Variants in ERG observed in about 807,000 individuals in gnomAD.
ERG encodes the protein transcriptional regulator ERG.
ERG carries 9 observed loss-of-function variants against 55.3 expected under a neutral mutation model. That is an observed-to-expected ratio of 0.16 (90% CI 0.10 to 0.28). The LOEUF is 0.28. Ranked by LOEUF, ERG falls within the 10% of genes least tolerant of loss-of-function variation. The pLI, the probability that ERG is intolerant of heterozygous loss-of-function variation, is 1.00. For missense variants in ERG, 434 were observed against 631.6 expected (o/e 0.69, Z 3.35); for synonymous variants, 223 against 237.3 (o/e 0.94, Z 0.55).
intron 1 of ERG, chr21:38,451,161 A>T (rs1365674616): frequency 2.0e-6 from 1 of 499,288 alleles, no homozygotes; most frequent in African/African-American, 1.9e-5. Flanking sequence ...AAGAGACAGA[A>T]GAAAGATGAA....
At chr21:38,582,487 G>A (rs1232866091) in intron 1 of ERG, among the ~76,000 whole-genome samples, 2 of 152,174 alleles carry the variant, frequency 1.3e-5, no homozygotes, top group African/African-American at 4.8e-5. Flanking sequence ...ACCTCCAAAC[G>A]ATGTTCAGCA....
At chr21:38,412,676 CCTT>C (rs968942549) in intron 3 of ERG, among the ~76,000 whole-genome samples, 33 of 152,208 alleles carry the variant, frequency 2.2e-4, no homozygotes, top group African/African-American at 7.2e-4. Context: ...CTTTTTAACT[CCTT>C]CTTTTATGTT....
intron 2 of ERG, among the ~76,000 whole-genome samples, chr21:38,440,393 C>T (rs531708474): frequency 2.0e-5 from 3 of 152,328 alleles, no homozygotes; most frequent in East Asian, 1.9e-4. Flanking sequence ...TCTGCGTCTC[C>T]GTGAACCCTG....
At chr21:38,534,824 G>T (rs529337097) in intron 2 of ERG, among the ~76,000 whole-genome samples, 1 of 152,128 alleles carries the variant, frequency 6.6e-6, no homozygotes, top group African/African-American at 2.4e-5. Context: ...CAACCCAATC[G>T]TCCATCCACA....
chr21:38,453,125 C>T (rs1471584916), intron 1 of ERG, among the ~76,000 whole-genome samples: 1 of 152,216 alleles, frequency 6.6e-6, no homozygotes, highest in Non-Finnish European at 1.5e-5. Context: ...AAATAATTGC[C>T]ATTGGCAATA....
intron 1 of ERG, among the ~76,000 whole-genome samples, chr21:38,459,026 A>G (rs1016319192): frequency 1.3e-5 from 2 of 152,070 alleles, no homozygotes; most frequent in Non-Finnish European, 2.9e-5. Flanking sequence ...TTTGGTTGAC[A>G]ATTCCATCCC....
intron 6 of ERG, chr21:38,399,945 G>T: frequency 4.8e-6 from 1 of 209,334 alleles, no homozygotes; most frequent in Middle Eastern, 1.7e-3. Flanking sequence ...CTCAGCAAAT[G>T]AACAAACCAA....
intron 1 of ERG, among the ~76,000 whole-genome samples, chr21:38,655,428 G>C (rs57446125): frequency 0.014 from 2,179 of 152,212 alleles, 59 homozygotes; most frequent in East Asian, 0.12. Flanking sequence ...CTCATTTTAA[G>C]AACACAATGC....
intron 1 of ERG, among the ~76,000 whole-genome samples, chr21:38,461,505 T>C (rs2059042323): frequency 6.6e-6 from 1 of 152,212 alleles, no homozygotes; most frequent in African/African-American, 2.4e-5. Context: ...TCTTCACTGC[T>C]GTATCTCCCT....
In ERG at chr21:38,381,957, A is replaced by G. The variant is rs73437665; in HGVS notation, c.*1446T>C. The G allele has an allele frequency of 1.7e-3, 1,836 of 1,062,418 alleles. 31 individuals are homozygous for G. In the African/African-American group the frequency reaches 0.028, roughly 16 times the overall value. The allele number at this position is 1,062,418 out of a possible 1,614,324, so 65.8% of individuals were successfully genotyped here. A position where few individuals can be genotyped will look rare whatever the true frequency, so the allele number is the denominator to read the frequency against. ...AGTAAATTATAACACAAAATCCACA[A>G]CATTCAGCACATGTTTTCATTAAGC... On this transcript the variant is annotated 3_prime_UTR_variant, in exon 10 of 10. Coordinates refer to ENST00000288319, the MANE Select transcript of ERG (RefSeq NM_182918.4).
intron 2 of ERG, among the ~76,000 whole-genome samples, chr21:38,558,061 G>GT (rs1568911389): frequency 1.5e-5 from 2 of 135,514 alleles, no homozygotes; most frequent in African/African-American, 5.5e-5. Flanking sequence ...CTAAGTTTTG[G>GT]GGGGGGGTCC....
At chr21:38,391,527 A>G in intron 8 of ERG, 132 bp downstream of exon 8, 1 of 714,964 alleles carries the variant, frequency 1.4e-6, no homozygotes, top group South Asian at 2.0e-5. Flanking sequence ...CTTGGGCCCT[A>G]TCTTATGTAT....
At chr21:38,468,631 T>C (rs1342104609) in intron 1 of ERG, among the ~76,000 whole-genome samples, 2 of 152,106 alleles carry the variant, frequency 1.3e-5, no homozygotes, top group Non-Finnish European at 2.9e-5. Flanking sequence ...CTTCACCATA[T>C]ACCTCATCAA....
chr21:38,565,305 G>C (rs186937447), intron 2 of ERG, among the ~76,000 whole-genome samples: 1 of 152,078 alleles, frequency 6.6e-6, no homozygotes, highest in East Asian at 1.9e-4. Context: ...CAGCCAACAT[G>C]GTTCTTTTAG....
intron 3 of ERG, among the ~76,000 whole-genome samples, chr21:38,409,078 A>G (rs1988915711): frequency 6.6e-6 from 1 of 152,214 alleles, no homozygotes; most frequent in South Asian, 2.1e-4. Flanking sequence ...CATTATGCAT[A>G]TGGCTATATG....
At chr21:38,589,327 C>A (rs2060085930), upstream of ERG, among the ~76,000 whole-genome samples, 1 of 152,184 alleles carries the variant, frequency 6.6e-6, no homozygotes, top group African/African-American at 2.4e-5. Context: ...GTGAACACAG[C>A]CACAGAGCAG....
intron 2 of ERG, among the ~76,000 whole-genome samples, chr21:38,565,254 G>A (rs2059915870): frequency 6.6e-6 from 1 of 152,104 alleles, no homozygotes; most frequent in Non-Finnish European, 1.5e-5. Flanking sequence ...GGTCTTCCCT[G>A]TTTCAACTCT....
intron 6 of ERG, among the ~76,000 whole-genome samples, chr21:38,394,668 A>T (rs1015736931): frequency 1.3e-5 from 2 of 152,136 alleles, no homozygotes; most frequent in Non-Finnish European, 2.9e-5. Flanking sequence ...TCAGCATTTT[A>T]ACAAGATCCT....
chr21:38,506,226 T>G (rs888753906), intron 2 of ERG, among the ~76,000 whole-genome samples: 1 of 152,192 alleles, frequency 6.6e-6, no homozygotes, highest in Non-Finnish European at 1.5e-5. Context: ...TTTACAATAA[T>G]TTTAGATTGT....
Sources: allele counts gnomAD v4.1 joint callset (sites outside exome capture counted in the v4.1 genomes callset), GRCh38; gene constraint gnomAD v4.1.1; transcripts MANE v1.5; gene names NCBI Gene and HGNC (gene_info 2026-07-23, HGNC 2026-07-21).